LRBA: variants seen among roughly 807,000 people sequenced by gnomAD.
LRBA encodes lipopolysaccharide-responsive and beige-like anchor protein.
In LRBA, 176 loss-of-function variants were observed where a neutral mutation model predicts 330.0. The observed-to-expected ratio is 0.53, with a 90% CI of 0.47 to 0.60. The LOEUF (loss-of-function observed/expected upper bound fraction) is 0.60. Among genes scored for constraint, LRBA ranks in the 20% least tolerant of loss-of-function variants. The pLI, the probability that LRBA is intolerant of heterozygous loss-of-function variation, is 0.00. For missense variants in LRBA, 3,259 were observed against 3,444.8 expected (o/e 0.95, Z 1.35); for synonymous variants, 1,230 against 1,193.0 (o/e 1.03, Z -0.64).
chr4:150,632,048 T>G (rs1777433953), intron 37 of LRBA, among the ~76,000 whole-genome samples: 1 of 152,036 alleles, frequency 6.6e-6, no homozygotes, highest in Admixed American at 6.5e-5. Flanking sequence ...CTGGCCAACA[T>G]GTTGAAACCC....
intron 36 of LRBA, among the ~76,000 whole-genome samples, chr4:150,710,384 A>C (rs1446300095): frequency 6.6e-6 from 1 of 152,122 alleles, no homozygotes; most frequent in Non-Finnish European, 1.5e-5. Flanking sequence ...CTTATAAGAA[A>C]TTTCAAGTGG....
intron 2 of LRBA, among the ~76,000 whole-genome samples, chr4:150,943,980 G>A (rs1006419337): frequency 1.3e-5 from 2 of 152,140 alleles, no homozygotes; most frequent in Non-Finnish European, 2.9e-5. Flanking sequence ...ACTTAGAGAG[G>A]AACAGTCCTC....
At chr4:150,890,677 G>GT (rs1729366550) in intron 17 of LRBA, among the ~76,000 whole-genome samples, 1 of 152,188 alleles carries the variant, frequency 6.6e-6, no homozygotes, top group Non-Finnish European at 1.5e-5. Context: ...AAGAATGGCA[G>GT]TAAGGGTAGC....
chr4:150,738,400 C>T (rs1190442394), intron 35 of LRBA, among the ~76,000 whole-genome samples: 1 of 152,052 alleles, frequency 6.6e-6, no homozygotes, highest in African/African-American at 2.4e-5. Context: ...TAGAGGAAAA[C>T]TTTTCCTCAT....
chr4:150,606,323 G>T (rs1774621144), intron 37 of LRBA, among the ~76,000 whole-genome samples: 1 of 152,024 alleles, frequency 6.6e-6, no homozygotes, highest in African/African-American at 2.4e-5. Flanking sequence ...CCATTAAAAT[G>T]ATGTTATTAA....
At chr4:150,375,013 C>T (rs1741029793) in intron 47 of LRBA, among the ~76,000 whole-genome samples, 2 of 152,118 alleles carry the variant, frequency 1.3e-5, no homozygotes, top group African/African-American at 4.8e-5. Context: ...AGGGAACCAA[C>T]AAACTATTTT....
intron 2 of LRBA, among the ~76,000 whole-genome samples, chr4:150,989,950 C>T (rs536757559): frequency 1.3e-5 from 2 of 151,928 alleles, no homozygotes; most frequent in African/African-American, 4.8e-5. Context: ...ATAGCAAGAC[C>T]CCCATCTCTA....
chr4:150,467,687 T>C lies in LRBA; in HGVS notation c.6766A>G (p.Arg2256Gly), dbSNP rs1561218846. The C allele has an allele frequency of 2.5e-6, 4 of 1,591,210 alleles. No homozygotes were observed. Among genetic ancestry groups the C allele is most frequent in the Non-Finnish European group, 3.4e-6 (4 of 1,161,382 alleles). The part of the protein sequence containing the change: ...ELDLTLPTNF[R>G]DLSKPIGALN... ...TGAGAAATTACCTTGGACAAATCTC[T>C]GAAGTTGGTGGGCAAGGTAAGATCC... The change falls in exon 44 of 57, where the codon AGA (arginine) becomes GGA (glycine). Residue 2256 changes from arginine (R) to glycine (G), a missense_variant. Transcript: ENST00000651943.
intron 37 of LRBA, among the ~76,000 whole-genome samples, chr4:150,622,264 T>C (rs1776366014): frequency 6.6e-6 from 1 of 152,022 alleles, no homozygotes; most frequent in East Asian, 1.9e-4. Flanking sequence ...GAGGAATTTC[T>C]AAAAGACAGA....
intron 33 of LRBA, among the ~76,000 whole-genome samples, chr4:150,804,923 C>T (rs1477496462): frequency 1.3e-5 from 2 of 151,982 alleles, no homozygotes; most frequent in African/African-American, 2.4e-5. Context: ...CCAGCCTACA[C>T]AACAAAGCAA....
At chr4:150,299,777 T>G (rs1158557004) in intron 53 of LRBA, among the ~76,000 whole-genome samples, 1 of 152,018 alleles carries the variant, frequency 6.6e-6, no homozygotes, top group East Asian at 1.9e-4. Flanking sequence ...CCTGGTTTTC[T>G]TTTATCTATT....
At chr4:150,866,378 AGACTAC>A (rs1238061652) in intron 22 of LRBA, among the ~76,000 whole-genome samples, 4 of 152,236 alleles carry the variant, frequency 2.6e-5, no homozygotes, top group Non-Finnish European at 5.9e-5. Context: ...ATTAAGAATG[AGACTAC>A]ATAAAGAACT....
Position 150,792,028 on chromosome 4 carries a change from CAAAAAAAAAAAA to C in LRBA, c.5580+6041_5580+6052del, listed in dbSNP as rs11389573. 5.2e-4 allele frequency among the ~76,000 whole-genome samples: 24 copies of C among 46,320 alleles called. 1 individual carries two copies. Among genetic ancestry groups the C allele is most frequent in the African/African-American group, 2.4e-3 (24 of 9,868 alleles). The allele number at this position is 46,320 out of a possible 152,430, so 30.4% of individuals were successfully genotyped here. On this transcript the variant is annotated intron_variant, in intron 34 of 56. Coordinates refer to ENST00000651943, the MANE Select transcript of LRBA (RefSeq NM_001364905.1). ...TGGGCGACAGAGCAAGGCTCCATCT[CAAAAAAAAAAAA>C]AAAAAAAAAAAGAAGGCTTATTTCT...
intron 31 of LRBA, among the ~76,000 whole-genome samples, chr4:150,814,649 G>T (rs1411633266): frequency 6.6e-6 from 1 of 150,522 alleles, no homozygotes; most frequent in East Asian, 1.9e-4. Flanking sequence ...AAATGGGGGG[G>T]GCTAAGGAGG....
chr4:150,421,226 TATATA>T (rs1158044785), intron 46 of LRBA, among the ~76,000 whole-genome samples: 2 of 136,622 alleles, frequency 1.5e-5, no homozygotes, highest in Non-Finnish European at 3.1e-5. Flanking sequence ...ATTATACACA[TATATA>T]ATATAAATAT....
At chr4:150,997,179 C>T (rs17027240) in intron 2 of LRBA, among the ~76,000 whole-genome samples, 2,749 of 152,228 alleles carry the variant, frequency 0.018, 65 homozygotes, top group African/African-American at 0.062. Context: ...AAGTCAGTGT[C>T]TAACAATAAA....
intron 9 of LRBA, among the ~76,000 whole-genome samples, chr4:150,913,786 T>C (rs1344509044): frequency 6.6e-6 from 1 of 152,266 alleles, no homozygotes; most frequent in Non-Finnish European, 1.5e-5. Context: ...TTTGTCTCTT[T>C]TGACAGTTTT....
intron 2 of LRBA, among the ~76,000 whole-genome samples, chr4:150,973,221 G>A (rs1400842568): frequency 6.6e-6 from 1 of 152,170 alleles, no homozygotes; most frequent in African/African-American, 2.4e-5. Flanking sequence ...AGGCTGGAGT[G>A]CAATGGCATG....
intron 13 of LRBA, among the ~76,000 whole-genome samples, chr4:150,902,157 A>T (rs193054528): frequency 6.6e-6 from 1 of 152,224 alleles, no homozygotes; most frequent in Non-Finnish European, 1.5e-5. Context: ...AGGACAGATA[A>T]ATTATTATAG....
Sources: gnomAD v4.1 joint callset for allele counts (sites outside exome capture counted in the v4.1 genomes callset) on GRCh38, gnomAD v4.1.1 for gene constraint, MANE v1.5 for transcripts, NCBI Gene and HGNC (gene_info 2026-07-23, HGNC 2026-07-21) for gene names.